The following DPRX variants were observed in gnomAD, a reference collection of about 807,000 sequenced individuals.
The protein encoded by DPRX is divergent paired-related homeobox.
DPRX carries 11 observed loss-of-function variants against 8.4 expected under a neutral mutation model. The ratio of observed to expected loss-of-function variants is 1.31; its 90% confidence interval spans 0.82 to 2.17. DPRX has a LOEUF of 2.17. Among genes scored for constraint, DPRX ranks in the 30% most tolerant of loss-of-function variants. The probability of loss-of-function intolerance (pLI) is 0.00; values close to 1 mark genes in which losing one functional copy is unlikely to be tolerated. For synonymous variants in DPRX, 72 were observed against 87.0 expected, an observed-to-expected ratio of 0.83 and a Z score of 0.96; for missense variants, 211 against 236.7, an observed-to-expected ratio of 0.89 and a Z score of 0.71.
chr19:53,601,688 G>A, the DPRX span, among the ~76,000 whole-genome samples: 7 of 151,858 alleles, frequency 4.6e-5, no homozygotes, highest in South Asian at 4.2e-4. Context: ...CACCATGTTG[G>A]TCAGGCTGGT....
the DPRX span, among the ~76,000 whole-genome samples, chr19:53,621,078 A>G: frequency 6.6e-6 from 1 of 152,206 alleles, no homozygotes; most frequent in Non-Finnish European, 1.5e-5. Context: ...TGATATGGAC[A>G]TCTGCTACTG....
chr19:53,617,219 C>A, the DPRX span: 1 of 842,190 alleles, frequency 1.2e-6, no homozygotes, highest in South Asian at 1.3e-5. Flanking sequence ...CTAGAGTATT[C>A]GTGAGAATGA....
At chr19:53,636,926 T>G in exon 3 of DPRX, 1 of 1,613,648 alleles carries the variant, frequency 6.2e-7, no homozygotes, top group Non-Finnish European at 8.5e-7. Context: ...ATCCCAAGTT[T>G]GCGCTCCAAG....
the DPRX span, among the ~76,000 whole-genome samples, chr19:53,622,674 G>T: frequency 6.6e-6 from 1 of 151,970 alleles, no homozygotes. Flanking sequence ...TCATTTCTCT[G>T]CCCAGTGCTT....
the DPRX span, among the ~76,000 whole-genome samples, chr19:53,619,312 G>A: frequency 1.3e-5 from 2 of 151,994 alleles, no homozygotes; most frequent in East Asian, 1.9e-4. Context: ...AATCCGAGGC[G>A]AGCAGATCAC....
intron 1 of DPRX, among the ~76,000 whole-genome samples, chr19:53,632,740 G>A (rs928583857): frequency 2.6e-5 from 4 of 151,958 alleles, no homozygotes; most frequent in South Asian, 2.1e-4. Context: ...CTCGGTGCCC[G>A]GCCGCGGCTG....
At chr19:53,604,096 G>T in the DPRX span, among the ~76,000 whole-genome samples, 3 of 151,834 alleles carry the variant, frequency 2.0e-5, no homozygotes, top group Non-Finnish European at 4.4e-5. Context: ...GGCATTCCAC[G>T]CTGCCCATGC....
chr19:53,616,679 C>G, the DPRX span: 1 of 770,586 alleles, frequency 1.3e-6, no homozygotes, highest in East Asian at 2.9e-5. Flanking sequence ...CCTTGAACCT[C>G]ATAGGCAGAG....
At chr19:53,621,993 G>A in the DPRX span, among the ~76,000 whole-genome samples, 1 of 152,074 alleles carries the variant, frequency 6.6e-6, no homozygotes, top group Admixed American at 6.6e-5. Flanking sequence ...TGGTGGGCCA[G>A]TACTTCATTT....
chr19:53,605,648 G>T, the DPRX span, among the ~76,000 whole-genome samples: 2 of 151,720 alleles, frequency 1.3e-5, no homozygotes, highest in Admixed American at 6.6e-5. Context: ...ATATTGTATT[G>T]TATTGTATTT....
At chr19:53,608,777 C>A in the DPRX span, among the ~76,000 whole-genome samples, 1 of 151,570 alleles carries the variant, frequency 6.6e-6, no homozygotes, top group African/African-American at 2.4e-5. Flanking sequence ...ATGGTGAAAC[C>A]CTGTATCTAC....
chr19:53,619,363 ACT>A, the DPRX span, among the ~76,000 whole-genome samples: 5 of 151,880 alleles, frequency 3.3e-5, no homozygotes, highest in Admixed American at 6.6e-5. Flanking sequence ...ACATAGTGAA[ACT>A]CTGTCTCTAC....
At chr19:53,616,281 T>TA in the DPRX span, among the ~76,000 whole-genome samples, 2 of 151,564 alleles carry the variant, frequency 1.3e-5, no homozygotes, top group Admixed American at 6.6e-5. Flanking sequence ...AAAAATAAAA[T>TA]AAAAAAGAAG....
At position 53,632,133 on chromosome 19, in the gene DPRX, A is replaced by G. The variant is rs762969979; in HGVS notation, c.27A>G (p.Lys9=). Residue 9 remains lysine, a splice_region_variant and synonymous_variant, in exon 1 of 3, where the codon AAA becomes AAG. Coordinates refer to ENST00000376650, the Ensembl canonical transcript of DPRX. ...TGCCAGGCTCAGAGGATCTTCGTAA[A>G]GGTAAGCCAGAAAAAATGAGAACCG... 8 of 1,614,044 alleles carry G rather than the reference A, an allele frequency of 5.0e-6. No homozygotes were observed. In the East Asian group the frequency reaches 6.7e-5, roughly 13 times the overall value.
At chr19:53,632,403 C>A (rs1220932229) in intron 1 of DPRX, among the ~76,000 whole-genome samples, 1 of 152,082 alleles carries the variant, frequency 6.6e-6, no homozygotes, top group East Asian at 1.9e-4. Context: ...CAGGTTCAAG[C>A]AATTCTCCTG....
the DPRX span, among the ~76,000 whole-genome samples, chr19:53,618,971 C>T: frequency 9.2e-5 from 14 of 152,138 alleles, no homozygotes; most frequent in South Asian, 2.1e-4. Context: ...TGTGAGCCAC[C>T]GCGCCCAGCC....
At chr19:53,632,192 G>C in intron 1 of DPRX, 58 bp downstream of exon 1, 1 of 1,613,278 alleles carries the variant, frequency 6.2e-7, no homozygotes, top group South Asian at 1.1e-5. Context: ...GAAAGCAGCT[G>C]GCGGCGGGAA....
chr19:53,635,680 C>T (rs2091109331), intron 2 of DPRX, among the ~76,000 whole-genome samples: 1 of 152,198 alleles, frequency 6.6e-6, no homozygotes, highest in Non-Finnish European at 1.5e-5. Context: ...TGTGCCTGGC[C>T]AGTAGTATTC....
chr19:53,617,700 G>GA, the DPRX span, among the ~76,000 whole-genome samples: 4 of 152,074 alleles, frequency 2.6e-5, no homozygotes, highest in African/African-American at 9.7e-5. Context: ...AATATCTAGT[G>GA]AAAAACCAGG....
Sources: gnomAD v4.1 joint callset for allele counts (sites outside exome capture counted in the v4.1 genomes callset) on GRCh38, gnomAD v4.1.1 for gene constraint, MANE v1.5 for transcripts, NCBI Gene and HGNC (gene_info 2026-07-23, HGNC 2026-07-21) for gene names.